Variants in CTNND2 observed in about 807,000 individuals in gnomAD.
CTNND2 encodes catenin delta-2.
CTNND2 carries 22 observed loss-of-function variants against 144.4 expected under a neutral mutation model. The ratio of observed to expected loss-of-function variants is 0.15; its 90% CI spans 0.11 to 0.22. The LOEUF (loss-of-function observed/expected upper bound fraction) is 0.22. Ranked by LOEUF, CTNND2 falls within the 10% of genes least tolerant of loss-of-function variation. The pLI is 1.00. For synonymous variants in CTNND2, 751 were observed against 695.6 expected (o/e 1.08, Z -1.25); for missense variants, 1,353 against 1,618.8 (o/e 0.84, Z 2.82).
intron 10 of CTNND2, among the ~76,000 whole-genome samples, chr5:11,201,710 T>C (rs1396068034): frequency 6.6e-6 from 1 of 152,096 alleles, no homozygotes; most frequent in South Asian, 2.1e-4. Context: ...AGGGACAGTG[T>C]GGTTGAGGGG....
At chr5:11,901,488 T>C (rs1737876865) in intron 1 of CTNND2, among the ~76,000 whole-genome samples, 1 of 152,260 alleles carries the variant, frequency 6.6e-6, no homozygotes, top group Admixed American at 6.5e-5. Context: ...GGAGAAAGAA[T>C]TGGCTTATAT....
intron 9 of CTNND2, among the ~76,000 whole-genome samples, chr5:11,320,559 A>AC (rs1398152539): frequency 2.0e-5 from 3 of 152,220 alleles, no homozygotes; most frequent in Non-Finnish European, 4.4e-5. Context: ...AATTGGACTT[A>AC]CAGTTCCACA....
intron 9 of CTNND2, among the ~76,000 whole-genome samples, chr5:11,340,696 G>C (rs1754169911): frequency 6.6e-6 from 1 of 152,186 alleles, no homozygotes; most frequent in South Asian, 2.1e-4. Context: ...TGCAGAAGTT[G>C]CCTGTGAAAA....
At chr5:11,519,291 T>C (rs1302087378) in intron 3 of CTNND2, among the ~76,000 whole-genome samples, 1 of 152,234 alleles carries the variant, frequency 6.6e-6, no homozygotes, top group African/African-American at 2.4e-5. Flanking sequence ...ACCATTTACC[T>C]ACTTTAATTG....
intron 1 of CTNND2, among the ~76,000 whole-genome samples, chr5:11,785,163 T>C (rs572715158): frequency 6.6e-6 from 1 of 152,332 alleles, no homozygotes; most frequent in Admixed American, 6.5e-5. Flanking sequence ...ACATAAATTG[T>C]TATTGTGTAT....
intron 4 of CTNND2, 93 bp from the exon 5 acceptor site, chr5:11,411,745 C>G: frequency 1.2e-6 from 1 of 833,782 alleles, no homozygotes; most frequent in Middle Eastern, 2.5e-4. Flanking sequence ...ATATCCTAGT[C>G]AAATATATTA....
intron 9 of CTNND2, among the ~76,000 whole-genome samples, chr5:11,269,457 A>G (rs1745779303): frequency 6.6e-6 from 1 of 152,248 alleles, no homozygotes; most frequent in East Asian, 1.9e-4. Flanking sequence ...AAAACAGCAC[A>G]CTGTCTCTTC....
At chr5:11,493,743 T>C (rs972124914) in intron 3 of CTNND2, among the ~76,000 whole-genome samples, 1 of 152,146 alleles carries the variant, frequency 6.6e-6, no homozygotes, top group African/African-American at 2.4e-5. Flanking sequence ...AATTCTAACC[T>C]TCAGACTTCA....
At position 11,640,259 on chromosome 5, in the gene CTNND2, T is replaced by C. The variant is rs116512109; in HGVS notation, c.175-75203A>G. ...ATACATATGAGTAATTCAATGTCAA[T>C]GGTGACTTTATTATGCACATAAATT... is the stretch of plus-strand genomic sequence containing the variant. On this transcript the variant is annotated intron_variant, in intron 2 of 21. Transcript: ENST00000304623. Among the ~76,000 whole-genome samples, 537 of 152,352 alleles carry C rather than the reference T, an allele frequency of 3.5e-3. 5 individuals carry two copies. The highest frequency in any genetic ancestry group is 0.012 in the African/African-American group (514 of 41,590).
intron 3 of CTNND2, among the ~76,000 whole-genome samples, chr5:11,502,414 T>C (rs1770622800): frequency 6.6e-6 from 1 of 152,200 alleles, no homozygotes; most frequent in African/African-American, 2.4e-5. Flanking sequence ...CTGCTGATGG[T>C]TGCTTTGAGT....
In CTNND2 at chr5:11,776,265, G is replaced by A. The variant is rs562810629; in HGVS notation, c.38-43993C>T. Among the ~76,000 whole-genome samples the A allele has an allele frequency of 3.9e-5, 6 of 152,344 alleles. No individual in the cohort carries two copies. The South Asian group carries it at 1.2e-3, about 32-fold the overall frequency. On this transcript the variant is annotated intron_variant, in intron 1 of 21. Coordinates refer to ENST00000304623, the MANE Select transcript of CTNND2 (RefSeq NM_001332.4). Reference sequence around the variant, plus strand: ...CTTCAGGCAGAAAACACTGGAAGCAGAGGGGGAGACCTTCCCCTCATCAGC... The same window carrying A: ...CTTCAGGCAGAAAACACTGGAAGCAAAGGGGGAGACCTTCCCCTCATCAGC...
intron 2 of CTNND2, among the ~76,000 whole-genome samples, chr5:11,597,206 A>G (rs1458516521): frequency 1.3e-5 from 2 of 152,138 alleles, no homozygotes; most frequent in Admixed American, 6.5e-5. Context: ...ATATACCTCT[A>G]TTTCCGAACA....
intron 1 of CTNND2, among the ~76,000 whole-genome samples, chr5:11,858,536 C>T (rs192279467): frequency 1.2e-3 from 186 of 152,352 alleles, no homozygotes; most frequent in Admixed American, 3.1e-3. Context: ...CTGCAGATAA[C>T]TTATTGATAT....
At chr5:11,840,605 A>G (rs1794414690) in intron 1 of CTNND2, among the ~76,000 whole-genome samples, 1 of 152,170 alleles carries the variant, frequency 6.6e-6, no homozygotes, top group South Asian at 2.1e-4. Flanking sequence ...TACAAACTGG[A>G]CCCACCAAAA....
intron 1 of CTNND2, among the ~76,000 whole-genome samples, chr5:11,752,431 T>C (rs1411548221): frequency 6.6e-6 from 1 of 151,910 alleles, no homozygotes; most frequent in Non-Finnish European, 1.5e-5. Flanking sequence ...ATTTATTGAA[T>C]AGGAAGTCTT....
chr5:11,322,720 A>G (rs1438540487), intron 9 of CTNND2, among the ~76,000 whole-genome samples: 1 of 152,242 alleles, frequency 6.6e-6, no homozygotes, highest in Non-Finnish European at 1.5e-5. Context: ...AGAACAAAAT[A>G]TATTTGTCAA....
intron 17 of CTNND2, among the ~76,000 whole-genome samples, chr5:11,021,765 A>C (rs754315605): frequency 2.0e-5 from 3 of 152,116 alleles, no homozygotes; most frequent in Non-Finnish European, 4.4e-5. Context: ...TGCGTCCCTC[A>C]AAGTGTTTAA....
intron 3 of CTNND2, among the ~76,000 whole-genome samples, chr5:11,502,276 T>C (rs1561484158): frequency 6.6e-6 from 1 of 152,180 alleles, no homozygotes; most frequent in Non-Finnish European, 1.5e-5. Context: ...GCAACCACTA[T>C]GTGCTGTGCA....
intron 1 of CTNND2, among the ~76,000 whole-genome samples, chr5:11,739,292 G>A (rs1044038916): frequency 6.6e-6 from 1 of 152,160 alleles, no homozygotes; most frequent in East Asian, 1.9e-4. Flanking sequence ...AGGCAGAACT[G>A]GTGGGCCTCC....
Sources: gnomAD v4.1 joint callset for allele counts (sites outside exome capture counted in the v4.1 genomes callset) on GRCh38, gnomAD v4.1.1 for gene constraint, MANE v1.5 for transcripts, NCBI Gene and HGNC (gene_info 2026-07-23, HGNC 2026-07-21) for gene names.